USH2A: variants seen among roughly 807,000 people sequenced by gnomAD.
USH2A encodes the protein Usher syndrome 2A (autosomal recessive, mild).
In USH2A, 443 loss-of-function variants were observed where a neutral mutation model predicts 538.9. The observed-to-expected ratio is 0.82, with a 90% CI of 0.76 to 0.89. The LOEUF (loss-of-function observed/expected upper bound fraction) is 0.89, where lower values mean the gene tolerates loss of function less well. Ranked by LOEUF, USH2A falls within the 40% of genes least tolerant of loss-of-function variation. The pLI is 0.00. For missense variants in USH2A, 6,633 were observed against 6,324.8 expected (o/e 1.05, Z -1.65); for synonymous variants, 2,413 against 2,273.5 (o/e 1.06, Z -1.75).
intron 9 of USH2A, among the ~76,000 whole-genome samples, chr1:216,309,966 T>G (rs1009739737): frequency 6.6e-6 from 1 of 152,150 alleles, no homozygotes; most frequent in African/African-American, 2.4e-5. Flanking sequence ...TTGTTGAGAA[T>G]TTTTGCATCT....
At chr1:216,378,012 G>A (rs2038867747) in intron 3 of USH2A, among the ~76,000 whole-genome samples, 2 of 152,088 alleles carry the variant, frequency 1.3e-5, no homozygotes, top group Non-Finnish European at 2.9e-5. Context: ...GGATGGTTCT[G>A]CCTTCACAAA....
chr1:216,069,962 G>A, intron 30 of USH2A, 139 bp downstream of exon 30: 3 of 1,004,134 alleles, frequency 3.0e-6, no homozygotes, highest in South Asian at 2.8e-5. Flanking sequence ...CACTACTTTA[G>A]ATGGGTGTTG....
chr1:215,644,741 A>T (rs947704147), intron 67 of USH2A, among the ~76,000 whole-genome samples: 1 of 152,228 alleles, frequency 6.6e-6, no homozygotes, highest in Non-Finnish European at 1.5e-5. Flanking sequence ...AAACTTAGAA[A>T]GGGATTTTCA....
intron 38 of USH2A, among the ~76,000 whole-genome samples, chr1:215,925,951 A>C (rs1666227054): frequency 6.6e-6 from 1 of 152,140 alleles, no homozygotes; most frequent in Non-Finnish European, 1.5e-5. Context: ...TGATTTTAAA[A>C]GGCATAGAGT....
At chr1:215,968,716 A>G (rs1667419280) in intron 36 of USH2A, among the ~76,000 whole-genome samples, 1 of 152,178 alleles carries the variant, frequency 6.6e-6, no homozygotes, top group Non-Finnish European at 1.5e-5. Context: ...ACTCTTTCAA[A>G]ATTTATTCTG....
intron 47 of USH2A, among the ~76,000 whole-genome samples, chr1:215,828,937 G>A (rs1282305442): frequency 6.6e-6 from 1 of 152,120 alleles, no homozygotes; most frequent in Non-Finnish European, 1.5e-5. Context: ...ATCAAAGCCA[G>A]ACCCAGCCCG....
At chr1:216,398,583 A>G (rs2039256441) in intron 3 of USH2A, among the ~76,000 whole-genome samples, 1 of 151,340 alleles carries the variant, frequency 6.6e-6, no homozygotes, top group Non-Finnish European at 1.5e-5. Flanking sequence ...CTCCCCACAC[A>G]CACTCACACA....
At chr1:216,222,855 G>A (rs532971304) in intron 14 of USH2A, among the ~76,000 whole-genome samples, 4 of 152,100 alleles carry the variant, frequency 2.6e-5, no homozygotes, top group South Asian at 2.1e-4. Context: ...CTGCATGCTT[G>A]TAATCACAGC....
intron 20 of USH2A, among the ~76,000 whole-genome samples, chr1:216,189,891 G>A (rs1271279790): frequency 3.3e-5 from 5 of 151,988 alleles, no homozygotes; most frequent in South Asian, 2.1e-4. Context: ...CTGGAGTCAC[G>A]CTACAACTAA....
At chr1:216,215,779 C>T (rs1474842749) in intron 15 of USH2A, among the ~76,000 whole-genome samples, 1 of 152,042 alleles carries the variant, frequency 6.6e-6, no homozygotes, top group Non-Finnish European at 1.5e-5. Context: ...AGGGAAGAAT[C>T]ATTAGGAATG....
chr1:216,311,698 G>A (rs568133170), intron 9 of USH2A, among the ~76,000 whole-genome samples: 11 of 152,184 alleles, frequency 7.2e-5, no homozygotes, highest in Admixed American at 1.3e-4. Flanking sequence ...CATGGAGGAC[G>A]GGAGAACCGC....
At chr1:216,337,794 C>T (rs567630422) in intron 4 of USH2A, among the ~76,000 whole-genome samples, 17 of 150,800 alleles carry the variant, frequency 1.1e-4, no homozygotes, top group East Asian at 3.9e-4. Context: ...GTCAAATATT[C>T]GAATTAATGT....
intron 41 of USH2A, 29 bp downstream of exon 41, chr1:215,888,397 C>T: frequency 6.2e-7 from 1 of 1,611,428 alleles, no homozygotes. Context: ...CCTAAGTCTG[C>T]AAAGGAGAGA....
rs143159159 is a variant in USH2A, at chr1:216,249,268, A to G, written c.2167+1635T>C. On this transcript the variant is annotated intron_variant, in intron 12 of 71. Coordinates refer to ENST00000307340, the MANE Select transcript of USH2A (RefSeq NM_206933.4). ...CAAAATATATATTTATGTTTCCTGC[A>G]GAAAACCATCTGGATCAATCAACAA... Among the ~76,000 whole-genome samples, 485 of 152,224 alleles carry G rather than the reference A, an allele frequency of 3.2e-3. 2 individuals are homozygous for G. Among genetic ancestry groups the G allele is most frequent in the African/African-American group, 0.011 (460 of 41,584 alleles).
intron 43 of USH2A, among the ~76,000 whole-genome samples, chr1:215,868,454 C>T (rs1164930990): frequency 6.6e-6 from 1 of 152,148 alleles, no homozygotes; most frequent in Non-Finnish European, 1.5e-5. Context: ...TCTATTTCTC[C>T]TAAATATGTG....
At chr1:216,036,573 C>G (rs1317918384) in intron 32 of USH2A, among the ~76,000 whole-genome samples, 1 of 152,114 alleles carries the variant, frequency 6.6e-6, no homozygotes, top group African/African-American at 2.4e-5. Flanking sequence ...TTTATGGTCA[C>G]ACAACATTAC....
intron 61 of USH2A, among the ~76,000 whole-genome samples, chr1:215,693,946 A>G (rs1022260822): frequency 2.0e-5 from 3 of 152,200 alleles, no homozygotes; most frequent in Admixed American, 6.5e-5. Context: ...GATGAATCCA[A>G]TTTGTTTGAA....
chr1:215,762,515 C>T (rs1661007891), intron 56 of USH2A, among the ~76,000 whole-genome samples: 1 of 152,172 alleles, frequency 6.6e-6, no homozygotes. Context: ...TTGGTAATAA[C>T]TCCATGCCCA....
At position 215,900,969 on chromosome 1, in the gene USH2A, C is replaced by G. The variant is rs1665483328; in HGVS notation, c.7301-64G>C. ...GTGGAGAACATATGCTGGATGGAAT[C>G]GAAATGCTCCATATACTGGAAAAAC... On this transcript the variant is annotated intron_variant, in intron 38 of 71. Transcript: ENST00000307340. The G allele has an allele frequency of 3.8e-6, 6 of 1,597,698 alleles. No individual in the cohort carries two copies. In the South Asian group the frequency reaches 6.6e-5, roughly 18 times the overall value.
Sources: gnomAD v4.1 joint callset for allele counts (sites outside exome capture counted in the v4.1 genomes callset) on GRCh38, gnomAD v4.1.1 for gene constraint, MANE v1.5 for transcripts, NCBI Gene and HGNC (gene_info 2026-07-23, HGNC 2026-07-21) for gene names.